UBE2E2: variants seen among roughly 807,000 people sequenced by gnomAD.
The protein encoded by UBE2E2 is ubiquitin conjugating enzyme E2 E2.
UBE2E2 carries 6 observed loss-of-function variants against 24.7 expected under a neutral mutation model. The observed-to-expected ratio is 0.24, with a 90% CI of 0.13 to 0.48. The LOEUF (loss-of-function observed/expected upper bound fraction) is 0.48. Ranked by LOEUF, UBE2E2 falls within the 20% of genes least tolerant of loss-of-function variation. The pLI is 0.99. For synonymous variants in UBE2E2, 104 were observed against 83.6 expected, an observed-to-expected ratio of 1.24 and a Z score of -1.33; for missense variants, 169 against 245.0, an observed-to-expected ratio of 0.69 and a Z score of 2.07.
chr3:23,406,601 C>T (rs1242343832), intron 3 of UBE2E2, among the ~76,000 whole-genome samples: 3 of 151,936 alleles, frequency 2.0e-5, no homozygotes, highest in Admixed American at 2.0e-4. Flanking sequence ...TTTATGGGTT[C>T]CTAGGTGGAA....
intron 5 of UBE2E2, among the ~76,000 whole-genome samples, chr3:23,559,969 G>C (rs994041873): frequency 6.6e-6 from 1 of 151,984 alleles, no homozygotes; most frequent in Non-Finnish European, 1.5e-5. Flanking sequence ...GAGGCCAAGA[G>C]GCTGTTCAGT....
Position 23,589,609 on chromosome 3 carries a change from A to C in UBE2E2, c.509-125A>C. 1 of 889,690 alleles carries C rather than the reference A, an allele frequency of 1.1e-6. No individual in the cohort carries two copies. The highest frequency in any genetic ancestry group is 1.8e-5 in the South Asian group (1 of 56,700). 55.1% of individuals were successfully genotyped at this position (889,690 alleles called of 1,614,324 possible). On this transcript the variant is annotated intron_variant, in intron 5 of 5. Coordinates refer to ENST00000396703, the MANE Select transcript of UBE2E2 (RefSeq NM_152653.4). The surrounding 1 kb of genome is among the most constrained non-coding windows in gnomAD (Gnocchi z 4.1). ...AGCAGGTGACTGGCTCAGCCGCAGC[A>C]ATGGTGGTCCAGGTTAGAACAGCAG... is the stretch of plus-strand genomic sequence containing the variant.
intron 3 of UBE2E2, among the ~76,000 whole-genome samples, chr3:23,456,722 C>T (rs926650013): frequency 2.0e-5 from 3 of 152,140 alleles, no homozygotes; most frequent in Non-Finnish European, 4.4e-5. Context: ...CTTTATATAG[C>T]GTAGGTAAAG....
At chr3:23,421,429 A>C (rs1362932182) in intron 3 of UBE2E2, among the ~76,000 whole-genome samples, 1 of 152,248 alleles carries the variant, frequency 6.6e-6, no homozygotes, top group Non-Finnish European at 1.5e-5. Context: ...GCCATAAAAA[A>C]GAATGAAATC....
intron 4 of UBE2E2, among the ~76,000 whole-genome samples, chr3:23,523,700 A>G (rs987859679): frequency 2.6e-5 from 4 of 152,132 alleles, no homozygotes; most frequent in African/African-American, 4.8e-5. Context: ...TTCCCTCACT[A>G]TAATGAGGTT....
chr3:23,324,196 TATG>T (rs1559347720), intron 3 of UBE2E2, among the ~76,000 whole-genome samples: 1 of 152,162 alleles, frequency 6.6e-6, no homozygotes, highest in Non-Finnish European at 1.5e-5. Context: ...CTGCATCACT[TATG>T]ATTATTTGGG....
chr3:23,240,823 T>C (rs1697240798), intron 3 of UBE2E2, among the ~76,000 whole-genome samples: 1 of 152,228 alleles, frequency 6.6e-6, no homozygotes, highest in Non-Finnish European at 1.5e-5. Flanking sequence ...TTTTTTTCTT[T>C]TGTAGTGTTG....
chr3:23,262,733 G>A (rs960930581), intron 3 of UBE2E2, among the ~76,000 whole-genome samples: 3 of 151,838 alleles, frequency 2.0e-5, no homozygotes, highest in Non-Finnish European at 4.4e-5. Flanking sequence ...TTTGTTGATT[G>A]GTTCCTTTGT....
chr3:23,535,252 G>C (rs79937641), intron 5 of UBE2E2, among the ~76,000 whole-genome samples: 4,400 of 152,254 alleles, frequency 0.029, 104 homozygotes, highest in East Asian at 0.13. Flanking sequence ...TGGTATATGT[G>C]AAAGCCATTT....
rs919948169 is a variant in UBE2E2, at chr3:23,591,288, C to T, written c.*1457C>T. 6.6e-6 allele frequency: 1 copy of T among 152,232 alleles called. No individual in the cohort carries two copies. Among genetic ancestry groups the T allele is most frequent in the African/African-American group, 2.4e-5 (1 of 41,462 alleles). 9.4% of individuals were successfully genotyped at this position (152,232 alleles called of 1,614,324 possible). A position where few individuals can be genotyped will look rare whatever the true frequency, so the allele number is the denominator to read the frequency against. ...TTGGTCTCATTTAAGGAACCATTAA[C>T]ACCTTCACTGCTGAAAAGCAGGATT... On this transcript the variant is annotated 3_prime_UTR_variant, in exon 6 of 6. Coordinates refer to ENST00000396703, the MANE Select transcript of UBE2E2 (RefSeq NM_152653.4).
At chr3:23,348,784 G>A (rs544289242) in intron 3 of UBE2E2, among the ~76,000 whole-genome samples, 1 of 151,518 alleles carries the variant, frequency 6.6e-6, no homozygotes, top group East Asian at 2.0e-4. Context: ...AAAACTGCAG[G>A]CTGTTGCTAG....
intron 3 of UBE2E2, among the ~76,000 whole-genome samples, chr3:23,428,928 TAAAAAAAAAAAAAA>T (rs34525850): frequency 1.3e-4 from 10 of 75,904 alleles, no homozygotes; most frequent in Non-Finnish European, 1.9e-4. Context: ...CTCTGTCTCT[TAAAAAAAAAAAAAA>T]AAAAAAAAAA....
At chr3:23,219,579 G>T (rs1696569085) in intron 3 of UBE2E2, among the ~76,000 whole-genome samples, 2 of 152,102 alleles carry the variant, frequency 1.3e-5, no homozygotes, top group Non-Finnish European at 1.5e-5. Flanking sequence ...GACTGTAATG[G>T]ATTAATTTAT....
intron 3 of UBE2E2, among the ~76,000 whole-genome samples, chr3:23,283,807 G>A (rs904043979): frequency 1.3e-5 from 2 of 152,048 alleles, no homozygotes; most frequent in Non-Finnish European, 1.5e-5. Context: ...GGTCACGTGG[G>A]AGGTTGTTAC....
intron 3 of UBE2E2, among the ~76,000 whole-genome samples, chr3:23,326,134 C>T (rs1321915064): frequency 6.6e-6 from 1 of 152,100 alleles, no homozygotes; most frequent in Non-Finnish European, 1.5e-5. Flanking sequence ...TGCAGTGGCG[C>T]GATCTTGGCT....
chr3:23,521,890 C>T (rs76209114), intron 4 of UBE2E2, among the ~76,000 whole-genome samples: 230 of 149,974 alleles, frequency 1.5e-3, no homozygotes, highest in African/African-American at 5.4e-3. Flanking sequence ...CCCCGTGTAC[C>T]CCCCACCCCC....
intron 4 of UBE2E2, among the ~76,000 whole-genome samples, chr3:23,510,174 A>G (rs1694560441): frequency 6.6e-6 from 1 of 152,250 alleles, no homozygotes; most frequent in African/African-American, 2.4e-5. Context: ...GTCCAAGAGA[A>G]GAGTCAGTAC....
At chr3:23,369,927 A>AT (rs1163761076) in intron 3 of UBE2E2, among the ~76,000 whole-genome samples, 3 of 152,146 alleles carry the variant, frequency 2.0e-5, no homozygotes, top group Non-Finnish European at 4.4e-5. Flanking sequence ...ATTTTGTATA[A>AT]TTTTTTAAAA....
intron 3 of UBE2E2, among the ~76,000 whole-genome samples, chr3:23,424,978 T>C (rs1482202144): frequency 6.6e-6 from 1 of 152,178 alleles, no homozygotes; most frequent in African/African-American, 2.4e-5. Flanking sequence ...TTTAAACATT[T>C]GAGTTTGGAA....
Sources: gnomAD v4.1 joint callset for allele counts (sites outside exome capture counted in the v4.1 genomes callset) on GRCh38, gnomAD v4.1.1 for gene constraint, Gnocchi (gnomAD v3.1) non-coding constraint, MANE v1.5 for transcripts, NCBI Gene and HGNC (gene_info 2026-07-23, HGNC 2026-07-21) for gene names.